EPN2: variants seen among roughly 807,000 people sequenced by gnomAD.
The protein encoded by EPN2 is epsin-2.
EPN2 carries 34 observed loss-of-function variants against 61.7 expected under a neutral mutation model. The observed-to-expected ratio is 0.55, with a 90% CI of 0.42 to 0.73. The LOEUF (loss-of-function observed/expected upper bound fraction) is 0.73. Among genes scored for constraint, EPN2 ranks in the 30% least tolerant of loss-of-function variants. The probability of loss-of-function intolerance (pLI) is 0.00; values close to 1 mark genes in which losing one functional copy is unlikely to be tolerated. For synonymous variants in EPN2, 349 were observed against 353.6 expected, an observed-to-expected ratio of 0.99 and a Z score of 0.15; for missense variants, 714 against 839.2, an observed-to-expected ratio of 0.85 and a Z score of 1.84.
At chr17:19,258,341 G>C (rs1407733668) in intron 1 of EPN2, among the ~76,000 whole-genome samples, 1 of 152,164 alleles carries the variant, frequency 6.6e-6, no homozygotes, top group African/African-American at 2.4e-5. Flanking sequence ...AAATGAGAGA[G>C]TGGGACTAAG....
At chr17:19,295,358 A>ACGCGCGCGCGCGCG (rs559120143) in intron 4 of EPN2, among the ~76,000 whole-genome samples, 2 of 66,688 alleles carry the variant, frequency 3.0e-5, no homozygotes, top group Non-Finnish European at 4.4e-5. Context: ...ACACACACAC[A>ACGCGCGCGCGCGCG]CACACACACG....
chr17:19,311,923 A>G (rs1863119469), intron 5 of EPN2, 129 bp from the exon 6 acceptor site: 1 of 709,626 alleles, frequency 1.4e-6, no homozygotes. Context: ...ATTGTGTTTT[A>G]CAAGTAGTTT....
At position 19,281,759 on chromosome 17, in the gene EPN2, G is replaced by A. The variant is rs546675843; in HGVS notation, c.-293-196G>A. 1.1e-4 allele frequency among the ~76,000 whole-genome samples: 17 copies of A among 152,222 alleles called. No homozygotes were observed. In the East Asian group the frequency reaches 3.1e-3, roughly 28 times the overall value. On this transcript the variant is annotated intron_variant, in intron 1 of 10. Transcript: ENST00000314728. ...TGGGGGGTGGACAGCCAAGCAGGTG[G>A]TCAGAATGGTGGGTGGAGCCCCTTG... is the stretch of plus-strand genomic sequence containing the variant.
chr17:19,279,572 G>A (rs933356775), intron 1 of EPN2, among the ~76,000 whole-genome samples: 22 of 151,320 alleles, frequency 1.5e-4, no homozygotes, highest in Non-Finnish European at 7.4e-5. Context: ...CCAAGTAGCT[G>A]GGACTACAGG....
At chr17:19,275,981 G>A (rs1484837245) in intron 1 of EPN2, among the ~76,000 whole-genome samples, 1 of 152,152 alleles carries the variant, frequency 6.6e-6, no homozygotes, top group Non-Finnish European at 1.5e-5. Context: ...GCTGTTGGTT[G>A]GAATTTATTG....
intron 1 of EPN2, among the ~76,000 whole-genome samples, chr17:19,253,326 T>A (rs1478846689): frequency 6.6e-6 from 1 of 152,208 alleles, no homozygotes; most frequent in Non-Finnish European, 1.5e-5. Flanking sequence ...CCAAATAATA[T>A]TCCATTGTAT....
chr17:19,238,892 T>C (rs2044848714), intron 1 of EPN2, among the ~76,000 whole-genome samples: 1 of 152,164 alleles, frequency 6.6e-6, no homozygotes, highest in Non-Finnish European at 1.5e-5. Context: ...AATCCAAGCT[T>C]CCTCTCATTA....
rs1353966334 is a variant in EPN2, at chr17:19,237,463, G to T, written c.-362G>T. 2 of 152,244 alleles carry T rather than the reference G, an allele frequency of 1.3e-5. No homozygotes were observed. The highest frequency in any genetic ancestry group is 2.4e-5 in the African/African-American group (1 of 41,434). The allele number at this position is 152,244 out of a possible 1,614,324, so 9.4% of individuals were successfully genotyped here. On this transcript the variant is annotated 5_prime_UTR_variant, in exon 1 of 11. Transcript: ENST00000314728. ...GGTGGCGGCGGCTCCGCGGGCTACG[G>T]TCGCTCCCGCCTCTCGAGCGCTGCC...
At chr17:19,310,104 C>A in intron 5 of EPN2, 107 bp downstream of exon 5, 1 of 760,688 alleles carries the variant, frequency 1.3e-6, no homozygotes, top group Non-Finnish European at 2.3e-6. Context: ...CAAAACATTT[C>A]AGATATGCTT....
In EPN2 at chr17:19,311,968, G is replaced by C. The variant is rs559886444; in HGVS notation, c.880-84G>C. 17 of 866,900 alleles carry C rather than the reference G, an allele frequency of 2.0e-5. No homozygotes were observed. The South Asian group carries it at 2.0e-4, about 10-fold the overall frequency. The allele number at this position is 866,900 out of a possible 1,614,324, so 53.7% of individuals were successfully genotyped here. ...CCTTTGAAATACTGCATCATACAATGTGCATTTCCTGTTTCTGGCCAGTGT... is the reference window on the plus strand; with the variant it reads ...CCTTTGAAATACTGCATCATACAATCTGCATTTCCTGTTTCTGGCCAGTGT... On this transcript the variant is annotated intron_variant, in intron 5 of 10. Transcript: ENST00000314728.
chr17:19,275,764 A>C (rs1597987707), intron 1 of EPN2, among the ~76,000 whole-genome samples: 1 of 152,240 alleles, frequency 6.6e-6, no homozygotes, highest in East Asian at 1.9e-4. Flanking sequence ...CAGTTTTCAG[A>C]ATGGAAATGA....
chr17:19,303,984 T>A (rs1388236956), intron 4 of EPN2: 1 of 152,186 alleles, frequency 6.6e-6, no homozygotes, highest in Non-Finnish European at 1.5e-5. Context: ...GTGCCTGTAG[T>A]CCCAGCTACT....
chr17:19,306,241 G>A (rs1213832978), intron 4 of EPN2: 1 of 152,266 alleles, frequency 6.6e-6, no homozygotes, highest in Admixed American at 6.5e-5. Context: ...GCCCATTCAG[G>A]CCTGTCTCAC....
At chr17:19,246,409 A>G (rs1285569778) in intron 1 of EPN2, among the ~76,000 whole-genome samples, 1 of 152,270 alleles carries the variant, frequency 6.6e-6, no homozygotes, top group East Asian at 1.9e-4. Flanking sequence ...CCAGTAGGCA[A>G]TTAACACCTG....
chr17:19,333,964 G>A lies in EPN2; in HGVS notation c.1636G>A (p.Ala546Thr), dbSNP rs114786376. ...LNPFLAPGAP[A>T]TSAPVNPFQV... ...TCCTTCTGTCTCCCCAGGTGCTCCC[G>A]CCACCTCGGCCCCTGTTAACCCTTT... Residue 546 changes from alanine to threonine, a missense_variant, in exon 11 of 11, where the codon GCC (alanine) becomes ACC (threonine). Physicochemically the swap from Ala to Thr is moderately conservative, Grantham distance 58. Around this residue, in one of 2 missense-constraint regions of EPN2, gnomAD observed 410 missense variants for 421.8 expected, o/e 0.97. Coordinates refer to ENST00000314728, the MANE Select transcript of EPN2 (RefSeq NM_014964.5). 252 of 1,538,544 alleles carry A rather than the reference G, an allele frequency of 1.6e-4. No individual in the cohort carries two copies. The East Asian group carries it at 2.3e-3, about 14-fold the overall frequency.
At chr17:19,299,031 G>A (rs1905338949) in intron 4 of EPN2, among the ~76,000 whole-genome samples, 1 of 152,096 alleles carries the variant, frequency 6.6e-6, no homozygotes, top group African/African-American at 2.4e-5. Flanking sequence ...TGAACATTCT[G>A]TTTCTTGAAG....
chr17:19,275,577 G>A (rs997425105), intron 1 of EPN2, among the ~76,000 whole-genome samples: 1 of 152,198 alleles, frequency 6.6e-6, no homozygotes, highest in East Asian at 1.9e-4. Context: ...TCTACAGGTG[G>A]TCCAGTCTGG....
In EPN2 at chr17:19,266,843, A is replaced by G. The variant is rs1038474786; in HGVS notation, c.-293-15112A>G. 2.0e-4 allele frequency among the ~76,000 whole-genome samples: 31 copies of G among 151,770 alleles called. 1 individual carries two copies. Among genetic ancestry groups the G allele is most frequent in the African/African-American group, 7.0e-4 (29 of 41,464 alleles). On this transcript the variant is annotated intron_variant, in intron 1 of 10. Transcript: ENST00000314728. Reference sequence around the variant, plus strand: ...CTTTACAAAGGAACATTATTTAGCCATAAAAAGTAATAGAATACTGGTACA... The same window carrying G: ...CTTTACAAAGGAACATTATTTAGCCGTAAAAAGTAATAGAATACTGGTACA...
In EPN2 at chr17:19,314,617, A is replaced by G. The variant is rs553203207; in HGVS notation, c.1147+1338A>G. Among the ~76,000 whole-genome samples the G allele has an allele frequency of 2.0e-5, 3 of 152,300 alleles. No homozygotes were observed. The East Asian group carries it at 5.8e-4, about 29-fold the overall frequency. On this transcript the variant is annotated intron_variant, in intron 7 of 10. Coordinates refer to ENST00000314728, the MANE Select transcript of EPN2 (RefSeq NM_014964.5). Reference sequence around the variant, plus strand: ...GCATCTGGTGAGTTCCAATAGCTTGATGGTGGCCTCTGTAACCCAGGCAGG... The same window carrying G: ...GCATCTGGTGAGTTCCAATAGCTTGGTGGTGGCCTCTGTAACCCAGGCAGG...
Sources: gnomAD v4.1 joint callset for allele counts (sites outside exome capture counted in the v4.1 genomes callset) on GRCh38, gnomAD v4.1.1 for gene constraint, gnomAD v4.1.1 regional missense constraint, MANE v1.5 for transcripts, NCBI Gene and HGNC (gene_info 2026-07-23, HGNC 2026-07-21) for gene names.